EXOC6B: variants seen among roughly 807,000 people sequenced by gnomAD.
The protein encoded by EXOC6B is exocyst complex component 6B, also known as SEC15 homolog B.
A neutral mutation model predicts 113.5 loss-of-function variants in EXOC6B; 54 were observed. The ratio of observed to expected loss-of-function variants is 0.48; its 90% CI spans 0.38 to 0.60. EXOC6B has a LOEUF of 0.60. Among genes scored for constraint, EXOC6B ranks in the 20% least tolerant of loss-of-function variants. The pLI, the probability that EXOC6B is intolerant of heterozygous loss-of-function variation, is 0.00. For synonymous variants in EXOC6B, 357 were observed against 339.0 expected (o/e 1.05, Z -0.58); for missense variants, 797 against 977.5 (o/e 0.82, Z 2.46).
In EXOC6B at chr2:72,543,135, T is replaced by G. The variant is rs918569366; in HGVS notation, c.915+16318A>C. ...GGCATCATTGTGAGAGCACATGGAGTATGGTGTATCTGGCGCATAAACTGT... is the reference window on the plus strand; with the variant it reads ...GGCATCATTGTGAGAGCACATGGAGGATGGTGTATCTGGCGCATAAACTGT... On this transcript the variant is annotated intron_variant, in intron 8 of 21. Coordinates refer to ENST00000272427, the MANE Select transcript of EXOC6B (RefSeq NM_015189.3). Among the ~76,000 whole-genome samples the G allele has an allele frequency of 2.6e-5, 4 of 151,852 alleles. No individual in the cohort carries two copies. The East Asian group carries it at 7.7e-4, about 29-fold the overall frequency.
In EXOC6B at chr2:72,762,170, G is replaced by C. The variant is rs200164784; in HGVS notation, c.114-20701C>G. The stretch of plus-strand genomic sequence containing the variant: ...GAGGCAGCAGAATCACTTTAACTGG[G>C]GAAGCAGAGGTTGCAGTGAGCCGAG... On this transcript the variant is annotated intron_variant, in intron 1 of 21. Transcript: ENST00000272427. Among the ~76,000 whole-genome samples, 17 of 151,614 alleles carry C rather than the reference G, an allele frequency of 1.1e-4. No homozygotes were observed. In the East Asian group the frequency reaches 2.9e-3, roughly 26 times the overall value.
intron 18 of EXOC6B, among the ~76,000 whole-genome samples, chr2:72,402,528 T>G (rs750381885): frequency 2.6e-5 from 4 of 152,228 alleles, no homozygotes; most frequent in African/African-American, 7.2e-5. Flanking sequence ...TTGTAGGGCT[T>G]GTCTAGTTGT....
At position 72,224,994 on chromosome 2, in the gene EXOC6B, G is replaced by GTGTGTGTGTGTATATATATATATATA. The variant is rs908047817; in HGVS notation, c.2197-40808_2197-40807insTATATATATATATATACACACACACA. 5.9e-3 allele frequency among the ~76,000 whole-genome samples: 815 copies of GTGTGTGTGTGTATATATATATATATA among 137,264 alleles called. 8 individuals are homozygous for GTGTGTGTGTGTATATATATATATATA. Among genetic ancestry groups the GTGTGTGTGTGTATATATATATATATA allele is most frequent in the Non-Finnish European group, 9.4e-3 (582 of 62,244 alleles). 90.1% of individuals were successfully genotyped at this position (137,264 alleles called of 152,430 possible). On this transcript the variant is annotated intron_variant, in intron 20 of 21. Coordinates refer to ENST00000272427, the MANE Select transcript of EXOC6B (RefSeq NM_015189.3). ...CATCTCTCTCTGTATGTGTGTGTGT[G>GTGTGTGTGTGTATATATATATATATA]TATATATATATAAATACACATACTT...
chr2:72,554,092 G>A (rs1427980643), intron 8 of EXOC6B, among the ~76,000 whole-genome samples: 2 of 152,164 alleles, frequency 1.3e-5, no homozygotes, highest in African/African-American at 4.8e-5. Flanking sequence ...TGCAGTGACA[G>A]ACCATTCACA....
chr2:72,739,025 C>G (rs1158617870), intron 2 of EXOC6B, among the ~76,000 whole-genome samples: 1 of 152,170 alleles, frequency 6.6e-6, no homozygotes, highest in Non-Finnish European at 1.5e-5. Context: ...AATAGTCATA[C>G]TGTTCATACA....
At chr2:72,250,785 T>C (rs1437344244) in intron 20 of EXOC6B, among the ~76,000 whole-genome samples, 1 of 152,154 alleles carries the variant, frequency 6.6e-6, no homozygotes, top group Non-Finnish European at 1.5e-5. Context: ...TTTCAATTTG[T>C]TTCCTGAAGA....
intron 20 of EXOC6B, among the ~76,000 whole-genome samples, chr2:72,257,896 G>A (rs1683448022): frequency 6.6e-6 from 1 of 152,098 alleles, no homozygotes; most frequent in African/African-American, 2.4e-5. Flanking sequence ...TGAAGAGTTG[G>A]AGTTAAATGG....
chr2:72,345,815 TGTAAA>T (rs1689296155), intron 19 of EXOC6B, among the ~76,000 whole-genome samples: 1 of 152,184 alleles, frequency 6.6e-6, no homozygotes, highest in African/African-American at 2.4e-5. Flanking sequence ...TGAACCCTAA[TGTAAA>T]GTATAGACTT....
At chr2:72,506,276 T>C (rs1478744162) in intron 11 of EXOC6B, among the ~76,000 whole-genome samples, 1 of 152,148 alleles carries the variant, frequency 6.6e-6, no homozygotes, top group Non-Finnish European at 1.5e-5. Context: ...AAATTGAAGA[T>C]AAAACTGCCT....
chr2:72,695,626 T>C (rs1677815025), intron 6 of EXOC6B, among the ~76,000 whole-genome samples: 1 of 152,090 alleles, frequency 6.6e-6, no homozygotes, highest in African/African-American at 2.4e-5. Context: ...AGGATCTCCC[T>C]AACTCCAGGA....
chr2:72,298,146 A>C (rs1163265242), intron 20 of EXOC6B, among the ~76,000 whole-genome samples: 1 of 152,092 alleles, frequency 6.6e-6, no homozygotes, highest in Non-Finnish European at 1.5e-5. Flanking sequence ...GGTATCTAAG[A>C]ACTTGCTTTA....
chr2:72,431,485 TTATC>T (rs3062440), intron 18 of EXOC6B, among the ~76,000 whole-genome samples: 12,285 of 133,794 alleles, frequency 0.092, 595 homozygotes, highest in Middle Eastern at 0.11. Context: ...CTTGATTTCT[TTATC>T]TATCTATCTA....
At chr2:72,586,569 G>A (rs1705589005) in intron 6 of EXOC6B, among the ~76,000 whole-genome samples, 1 of 151,980 alleles carries the variant, frequency 6.6e-6, no homozygotes, top group Admixed American at 6.6e-5. Flanking sequence ...TGGTCAACAT[G>A]GTGAAACCCC....
At chr2:72,668,461 C>T (rs1675551178) in intron 6 of EXOC6B, among the ~76,000 whole-genome samples, 1 of 150,734 alleles carries the variant, frequency 6.6e-6, no homozygotes, top group Non-Finnish European at 1.5e-5. Flanking sequence ...AAAAAAAATG[C>T]AACCCATATC....
At chr2:72,252,298 T>C (rs1440124471) in intron 20 of EXOC6B, among the ~76,000 whole-genome samples, 1 of 152,184 alleles carries the variant, frequency 6.6e-6, no homozygotes, top group Non-Finnish European at 1.5e-5. Flanking sequence ...CACACGTGTG[T>C]GTGTGTGTGT....
At chr2:72,552,269 TA>T (rs1262807420) in intron 8 of EXOC6B, among the ~76,000 whole-genome samples, 3 of 152,218 alleles carry the variant, frequency 2.0e-5, no homozygotes, top group Non-Finnish European at 2.9e-5. Context: ...TAAACATGAT[TA>T]TTTTTCTATA....
intron 17 of EXOC6B, among the ~76,000 whole-genome samples, chr2:72,475,832 C>G (rs1698706386): frequency 6.6e-6 from 1 of 152,190 alleles, no homozygotes; most frequent in Admixed American, 6.5e-5. Flanking sequence ...CTCAGCCCCT[C>G]TGCCCTAGCT....
intron 6 of EXOC6B, among the ~76,000 whole-genome samples, chr2:72,645,777 G>A (rs954592744): frequency 2.0e-5 from 3 of 152,158 alleles, no homozygotes; most frequent in Non-Finnish European, 2.9e-5. Context: ...GAATCTCTGG[G>A]ACACATTTAA....
chr2:72,323,548 C>T (rs558327354), intron 20 of EXOC6B, among the ~76,000 whole-genome samples: 6 of 151,976 alleles, frequency 3.9e-5, no homozygotes, highest in Admixed American at 2.0e-4. Flanking sequence ...ATGTTTATTG[C>T]GGCACTATTC....
Sources: gnomAD v4.1 joint callset for allele counts (sites outside exome capture counted in the v4.1 genomes callset) on GRCh38, gnomAD v4.1.1 for gene constraint, MANE v1.5 for transcripts, NCBI Gene and HGNC (gene_info 2026-07-23, HGNC 2026-07-21) for gene names.